The following TBX5 variants were observed in gnomAD, a reference collection of about 807,000 sequenced individuals.
The protein encoded by TBX5 is T-box transcription factor 5.
TBX5 carries 8 observed loss-of-function variants against 51.1 expected under a neutral mutation model. The observed-to-expected ratio is 0.16, with a 90% CI of 0.09 to 0.28. TBX5 has a LOEUF of 0.28. Among genes scored for constraint, TBX5 ranks in the 10% least tolerant of loss-of-function variants. The pLI, the probability that TBX5 is intolerant of heterozygous loss-of-function variation, is 1.00. For missense variants in TBX5, 589 were observed against 671.7 expected, an observed-to-expected ratio of 0.88 and a Z score of 1.36; for synonymous variants, 302 against 266.4, an observed-to-expected ratio of 1.13 and a Z score of -1.30.
chr12:114,367,607 A>G (rs1869619538), intron 7 of TBX5, among the ~76,000 whole-genome samples: 1 of 145,348 alleles, frequency 6.9e-6, no homozygotes, highest in South Asian at 2.4e-4. Context: ...GGAGGCTCAA[A>G]GGAAATGAGA....
intron 4 of TBX5, 57 bp from the exon 5 acceptor site, chr12:114,398,777 G>A: frequency 1.3e-6 from 2 of 1,560,532 alleles, no homozygotes; most frequent in South Asian, 1.2e-5. Context: ...GTAGCGCACT[G>A]CACCGAAGCG....
At chr12:114,363,922 A>G (rs1303128068) in intron 8 of TBX5, among the ~76,000 whole-genome samples, 2 of 152,324 alleles carry the variant, frequency 1.3e-5, no homozygotes, top group East Asian at 3.9e-4. Context: ...AGGCAGACAT[A>G]TTTGCAGGCA....
At position 114,355,677 on chromosome 12, in the gene TBX5, C is replaced by G; in HGVS notation, c.1412G>C (p.Gly471Ala). Residue 471 changes from glycine (G) to alanine (A), a missense_variant, in exon 9 of 9, where the codon GGG becomes GCG. Gly to Ala is a moderately conservative substitution (Grantham distance 60, BLOSUM62 0). Around this residue, in one of 7 missense-constraint regions of TBX5, gnomAD observed 348 missense variants for 360.4 expected, o/e 0.97. Transcript: ENST00000405440. ...AGGGGACTGCAGGCCAGTCTGAGGC[C>G]CACACTGCCTGACCACAGGCTGGTG... ...VAHQPVVRQC[G>A]PQTGLQSPGT... The G allele has an allele frequency of 6.2e-7, 1 of 1,614,146 alleles. No individual in the cohort carries two copies. The highest frequency in any genetic ancestry group is 8.5e-7 in the Non-Finnish European group (1 of 1,180,028).
chr12:114,386,774 A>G (rs895233894), intron 6 of TBX5, among the ~76,000 whole-genome samples: 59 of 152,200 alleles, frequency 3.9e-4, no homozygotes, highest in African/African-American at 1.4e-3. Flanking sequence ...CCTCTCTAAT[A>G]GAAGACTAGA....
intron 5 of TBX5, 71 bp from the exon 6 acceptor site, chr12:114,394,964 C>A: frequency 6.6e-7 from 1 of 1,518,272 alleles, no homozygotes; most frequent in Non-Finnish European, 9.1e-7. Context: ...AAACCCTGCT[C>A]CCCGCCCTCT....
At chr12:114,404,003 G>T (rs1321663179) in intron 1 of TBX5, 67 bp from the exon 2 acceptor site, 12 of 1,518,104 alleles carry the variant, frequency 7.9e-6, no homozygotes, top group Non-Finnish European at 1.1e-5. Flanking sequence ...AAAGGTTGGA[G>T]AGCACAATTC....
chr12:114,393,142 C>T (rs986820477), intron 6 of TBX5, among the ~76,000 whole-genome samples: 4 of 152,140 alleles, frequency 2.6e-5, no homozygotes, highest in Admixed American at 6.5e-5. Flanking sequence ...GAATGACCTT[C>T]GAGGGGTGAG....
intron 7 of TBX5, among the ~76,000 whole-genome samples, chr12:114,370,741 CTT>C (rs34872296): frequency 6.6e-6 from 1 of 151,298 alleles, no homozygotes; most frequent in Non-Finnish European, 1.5e-5. Flanking sequence ...CTCATTTAAC[CTT>C]TTTTTTTCCT....
At chr12:114,402,044 A>G in intron 2 of TBX5, 124 bp from the exon 3 acceptor site, 1 of 883,298 alleles carries the variant, frequency 1.1e-6, no homozygotes. Context: ...CTCAGAGAGT[A>G]AAAAGTGGCT....
chr12:114,382,185 G>A (rs1030188270), intron 7 of TBX5, among the ~76,000 whole-genome samples: 16 of 151,996 alleles, frequency 1.1e-4, no homozygotes, highest in Non-Finnish European at 1.9e-4. Flanking sequence ...GCGGTGCTGT[G>A]TGCCTGGACA....
chr12:114,378,479 C>T (rs1021481992), intron 7 of TBX5, among the ~76,000 whole-genome samples: 1 of 152,148 alleles, frequency 6.6e-6, no homozygotes, highest in Non-Finnish European at 1.5e-5. Context: ...CACCTACCAG[C>T]GATCGAGCGT....
chr12:114,391,592 G>A (rs1157686897), intron 6 of TBX5, among the ~76,000 whole-genome samples: 1 of 152,184 alleles, frequency 6.6e-6, no homozygotes, highest in Admixed American at 6.5e-5. Flanking sequence ...TACAGGTGGG[G>A]AAATGGAGTT....
At chr12:114,360,283 C>A (rs1366404630) in intron 8 of TBX5, among the ~76,000 whole-genome samples, 1 of 151,692 alleles carries the variant, frequency 6.6e-6, no homozygotes, top group Admixed American at 6.6e-5. Context: ...TTCACGCAAC[C>A]CTACATGCTC....
rs903748424 is a variant in TBX5 at position 114,398,768 on chromosome 12, T to C, written c.363-48A>G. On this transcript the variant is annotated intron_variant, in intron 4 of 8. Coordinates refer to ENST00000405440, the MANE Select transcript of TBX5 (RefSeq NM_181486.4). ...AGAGGCCTGGCTCAGAGTCTGGAGG[T>C]AGCGCACTGCACCGAAGCGTGCTTC... 1.0e-5 allele frequency: 16 copies of C among 1,572,190 alleles called. 2 individuals carry two copies. In the Admixed American group the frequency reaches 2.8e-4, roughly 28 times the overall value.
intron 7 of TBX5, among the ~76,000 whole-genome samples, chr12:114,379,348 T>C (rs975335751): frequency 1.3e-5 from 2 of 152,178 alleles, no homozygotes; most frequent in African/African-American, 2.4e-5. Context: ...TGTAGGGAAC[T>C]TGGGGACTTT....
At chr12:114,357,015 G>GATGC (rs1207521435) in intron 8 of TBX5, among the ~76,000 whole-genome samples, 1 of 151,858 alleles carries the variant, frequency 6.6e-6, no homozygotes, top group Non-Finnish European at 1.5e-5. Context: ...TGGATGGATG[G>GATGC]ATGGATGGAT....
intron 8 of TBX5, among the ~76,000 whole-genome samples, chr12:114,361,520 A>G (rs988994896): frequency 7.2e-5 from 11 of 152,166 alleles, no homozygotes; most frequent in Non-Finnish European, 1.0e-4. Flanking sequence ...TGGCATTGAT[A>G]AAAGACCTTC....
chr12:114,404,740 G>A (rs973133489), intron 1 of TBX5, among the ~76,000 whole-genome samples: 2 of 152,122 alleles, frequency 1.3e-5, no homozygotes, highest in African/African-American at 4.8e-5. Context: ...CCGGGCGGGG[G>A]ATGGCGGGCA....
chr12:114,398,490 C>T, intron 5 of TBX5, 83 bp downstream of exon 5: 8 of 1,552,962 alleles, frequency 5.2e-6, no homozygotes, highest in Non-Finnish European at 7.0e-6. Context: ...CACACAGAGC[C>T]AAGAAGGGAG....
Sources: gnomAD v4.1 joint callset for allele counts (sites outside exome capture counted in the v4.1 genomes callset) on GRCh38, gnomAD v4.1.1 for gene constraint, gnomAD v4.1.1 regional missense constraint, MANE v1.5 for transcripts, NCBI Gene and HGNC (gene_info 2026-07-23, HGNC 2026-07-21) for gene names.